Variants in ACTN1 observed in about 807,000 individuals in gnomAD.
ACTN1 encodes actinin alpha 1.
ACTN1 carries 30 observed loss-of-function variants against 119.6 expected under a neutral mutation model. The observed-to-expected ratio is 0.25, with a 90% CI of 0.19 to 0.34. ACTN1 has a LOEUF of 0.34. Among genes scored for constraint, ACTN1 ranks in the 10% least tolerant of loss-of-function variants. ACTN1 has a pLI of 1.00. For synonymous variants in ACTN1, 429 were observed against 472.6 expected (o/e 0.91, Z 1.20); for missense variants, 764 against 1,223.4 (o/e 0.62, Z 5.60).
intron 1 of ACTN1, among the ~76,000 whole-genome samples, chr14:68,951,594 C>T (rs1365378624): frequency 6.6e-6 from 1 of 152,146 alleles, no homozygotes; most frequent in African/African-American, 2.4e-5. Flanking sequence ...CCAACTCTAA[C>T]GTGAAGGTGA....
intron 4 of ACTN1, among the ~76,000 whole-genome samples, chr14:68,911,691 C>T (rs1477303959): frequency 6.6e-6 from 1 of 152,168 alleles, no homozygotes; most frequent in Non-Finnish European, 1.5e-5. Flanking sequence ...AGACATAAAG[C>T]TCAAAAACTG....
At position 68,877,186 on chromosome 14, in the gene ACTN1, C is replaced by T. The variant is rs940159315; in HGVS notation, c.2482G>A (p.Val828Ile). 8 of 1,614,050 alleles carry T rather than the reference C, an allele frequency of 5.0e-6. No individual in the cohort carries two copies. The highest frequency in any genetic ancestry group is 3.3e-5 in the South Asian group (3 of 91,086). The change falls in exon 21 of 22, where the codon GTA (valine) becomes ATA (isoleucine). Residue 828 changes from valine to isoleucine, a missense_variant. Physicochemically the swap from Val to Ile is conservative, Grantham distance 29 (BLOSUM62 3). Coordinates refer to ENST00000394419, the MANE Select transcript of ACTN1 (RefSeq NM_001130004.2). ...TCAATGAAGGCCTGGAATGTCACTA[C>T]CCCCAGGCGGTTGGGGTCCACAATG... is the stretch of plus-strand genomic sequence containing the variant. ...MSIVDPNRLG[V>I]VTFQAFIDFM...
intron 1 of ACTN1, among the ~76,000 whole-genome samples, chr14:68,970,407 A>G (rs2036844965): frequency 6.6e-6 from 1 of 152,224 alleles, no homozygotes; most frequent in Non-Finnish European, 1.5e-5. Flanking sequence ...GGCTTAAACA[A>G]GAACCTCAAA....
intron 8 of ACTN1, among the ~76,000 whole-genome samples, chr14:68,901,764 C>A (rs1354464175): frequency 6.6e-6 from 1 of 152,194 alleles, no homozygotes; most frequent in Non-Finnish European, 1.5e-5. Context: ...AGTCGTGGAA[C>A]CCCTGTGTGG....
At chr14:68,962,316 G>A (rs113646166) in intron 1 of ACTN1, among the ~76,000 whole-genome samples, 2 of 152,252 alleles carry the variant, frequency 1.3e-5, no homozygotes. Context: ...TCACCAGCTC[G>A]CAGGTGGAGT....
At chr14:68,900,413 T>C (rs2033233884) in intron 8 of ACTN1, among the ~76,000 whole-genome samples, 2 of 152,024 alleles carry the variant, frequency 1.3e-5, no homozygotes. Context: ...CTGGACTCCC[T>C]GGAGAAGGCA....
chr14:68,978,803 C>T (rs2037161433), intron 1 of ACTN1, 149 bp downstream of exon 1: 1 of 486,756 alleles, frequency 2.1e-6, no homozygotes, highest in Non-Finnish European at 3.5e-6. Context: ...AACCCAACAC[C>T]CCACCTCGCA....
At chr14:68,970,685 C>A (rs2036855822) in intron 1 of ACTN1, among the ~76,000 whole-genome samples, 2 of 152,176 alleles carry the variant, frequency 1.3e-5, no homozygotes, top group Non-Finnish European at 2.9e-5. Flanking sequence ...ACTGGGGAGG[C>A]CTCCAGGTTC....
rs546475126 is a variant in ACTN1, at chr14:68,888,869, C to A, written c.1234+1270G>T. Among the ~76,000 whole-genome samples the A allele has an allele frequency of 2.0e-5, 3 of 152,286 alleles. No individual in the cohort carries two copies. The South Asian group carries it at 6.2e-4, about 32-fold the overall frequency. On this transcript the variant is annotated intron_variant, in intron 11 of 21. Coordinates refer to ENST00000394419, the MANE Select transcript of ACTN1 (RefSeq NM_001130004.2). Reference sequence around the variant, plus strand: ...GAAAGCATCTGCCTCCTCCCCACTGCATGGAAAAACTGTCTTCCACGAAAC... The same window carrying A: ...GAAAGCATCTGCCTCCTCCCCACTGAATGGAAAAACTGTCTTCCACGAAAC...
chr14:68,920,826 TAGA>T (rs1448071280), intron 3 of ACTN1, among the ~76,000 whole-genome samples, 177 bp downstream of exon 3: 1 of 152,154 alleles, frequency 6.6e-6, no homozygotes, highest in African/African-American at 2.4e-5. Flanking sequence ...GGGCTGAGAC[TAGA>T]AGAAAAGCGC....
Position 68,978,239 on chromosome 14 carries a change from A to G in ACTN1, c.105+713T>C, listed in dbSNP as rs563345909. On this transcript the variant is annotated intron_variant, in intron 1 of 21. Transcript: ENST00000394419. ...CACCTTTCCCGGGGGTCGGAGGGGC[A>G]GGACGTAGCGCAAGCCCATGTCGGG... 2.6e-4 allele frequency: 119 copies of G among 456,052 alleles called. 1 individual carries two copies. Among genetic ancestry groups the G allele is most frequent in the Middle Eastern group, 1.6e-3 (5 of 3,074 alleles). 28.3% of individuals were successfully genotyped at this position (456,052 alleles called of 1,614,324 possible).
At chr14:68,963,718 T>C (rs1294566706) in intron 1 of ACTN1, among the ~76,000 whole-genome samples, 1 of 152,248 alleles carries the variant, frequency 6.6e-6, no homozygotes. Context: ...CATACTATGA[T>C]ATCATTTCTT....
intron 1 of ACTN1, 200 bp downstream of exon 1, chr14:68,978,752 G>A (rs996304605): frequency 1.3e-5 from 5 of 384,628 alleles, no homozygotes; most frequent in African/African-American, 2.1e-5. Context: ...GCGTTCCCGG[G>A]CTCCGGGGCA....
At chr14:68,915,506 A>ATTTTCTCT (rs2034243439) in intron 3 of ACTN1, among the ~76,000 whole-genome samples, 1 of 152,308 alleles carries the variant, frequency 6.6e-6, no homozygotes, top group East Asian at 1.9e-4. Context: ...GGGTAAGAAT[A>ATTTTCTCT]CTTCCTGTTT....
At chr14:68,944,432 C>A (rs535129378) in intron 1 of ACTN1, among the ~76,000 whole-genome samples, 1 of 152,322 alleles carries the variant, frequency 6.6e-6, no homozygotes, top group East Asian at 1.9e-4. Flanking sequence ...TCATTCATTC[C>A]TTCCTTCCAT....
In ACTN1 at chr14:68,883,922, G is replaced by GA. The variant is rs560997998; in HGVS notation, c.1635+245dup. Among the ~76,000 whole-genome samples the GA allele has an allele frequency of 3.5e-3, 536 of 152,354 alleles. 3 individuals are homozygous for GA. Among genetic ancestry groups the GA allele is most frequent in the Non-Finnish European group, 6.2e-3 (419 of 68,032 alleles). Reference sequence around the variant, plus strand: ...CTGTAGTCAAATTCTTACCTTTGGGGAGAGAACTAGGGGCTGGAGGATAAG... The same window carrying GA: ...CTGTAGTCAAATTCTTACCTTTGGGGAAGAGAACTAGGGGCTGGAGGATAAG... On this transcript the variant is annotated intron_variant, in intron 14 of 21. Coordinates refer to ENST00000394419, the MANE Select transcript of ACTN1 (RefSeq NM_001130004.2).
intron 7 of ACTN1, 116 bp downstream of exon 7, chr14:68,904,539 C>T (rs951378592): frequency 8.4e-6 from 7 of 830,628 alleles, no homozygotes; most frequent in Non-Finnish European, 1.4e-5. Flanking sequence ...CAAATGCGGT[C>T]CCAGAAGACC....
At chr14:68,968,553 A>C (rs777584706) in intron 1 of ACTN1, among the ~76,000 whole-genome samples, 3 of 152,240 alleles carry the variant, frequency 2.0e-5, no homozygotes, top group Non-Finnish European at 2.9e-5. Context: ...CAAAAACACC[A>C]AACTTGGAAC....
chr14:68,917,768 T>C (rs931881925), intron 3 of ACTN1, among the ~76,000 whole-genome samples: 4 of 152,200 alleles, frequency 2.6e-5, no homozygotes, highest in African/African-American at 9.6e-5. Context: ...AACGTCTCAC[T>C]TTAAAGGAAC....
Sources: allele counts gnomAD v4.1 joint callset (sites outside exome capture counted in the v4.1 genomes callset), GRCh38; gene constraint gnomAD v4.1.1; transcripts MANE v1.5; gene names NCBI Gene and HGNC (gene_info 2026-07-23, HGNC 2026-07-21).